Variants in NSUN7 observed in about 807,000 individuals in gnomAD.
NSUN7 encodes NOP2/Sun RNA methyltransferase family member 7.
Under a neutral mutation model 58.5 loss-of-function variants are expected in NSUN7, and 39 were observed. That is an observed-to-expected ratio of 0.67 (90% CI 0.52 to 0.87). NSUN7 has a LOEUF of 0.87. NSUN7 is among the 40% of genes least tolerant of loss of function. The pLI is 0.00. For missense variants in NSUN7, 765 were observed against 844.1 expected (o/e 0.91, Z 1.16); for synonymous variants, 278 against 303.7 (o/e 0.92, Z 0.88).
intron 2 of NSUN7, among the ~76,000 whole-genome samples, chr4:40,753,814 A>G (rs1361832158): frequency 3.9e-5 from 6 of 152,056 alleles, no homozygotes; most frequent in African/African-American, 1.2e-4. Context: ...ACTTGTTCTC[A>G]TGATAGTTAA....
intron 7 of NSUN7, among the ~76,000 whole-genome samples, chr4:40,780,790 C>CACACAT (rs1402006014): frequency 1.1e-4 from 12 of 110,974 alleles, no homozygotes; most frequent in Non-Finnish European, 1.9e-4. Context: ...CACACACATA[C>CACACAT]ACATATATAT....
At chr4:40,807,655 C>T (rs908263457) in intron 11 of NSUN7, among the ~76,000 whole-genome samples, 4 of 152,058 alleles carry the variant, frequency 2.6e-5, no homozygotes, top group African/African-American at 9.7e-5. Context: ...CAGCCCTGTT[C>T]TTTATACTTC....
chr4:40,756,955 G>T (rs928893827), intron 2 of NSUN7, among the ~76,000 whole-genome samples: 2 of 152,178 alleles, frequency 1.3e-5, no homozygotes, highest in African/African-American at 2.4e-5. Flanking sequence ...AAAGGGCCAG[G>T]CGTGGTGCCT....
chr4:40,756,401 A>C (rs1741146049), intron 2 of NSUN7, among the ~76,000 whole-genome samples: 1 of 152,248 alleles, frequency 6.6e-6, no homozygotes, highest in Non-Finnish European at 1.5e-5. Context: ...ACTGAAGAGA[A>C]GCTTTAATTA....
At chr4:40,778,306 A>AAAT (rs1318440291) in intron 7 of NSUN7, among the ~76,000 whole-genome samples, 2 of 152,264 alleles carry the variant, frequency 1.3e-5, no homozygotes, top group African/African-American at 4.8e-5. Flanking sequence ...GAAAGACATT[A>AAAT]AGCCACAGAT....
chr4:40,783,851 A>T (rs1158321263), intron 7 of NSUN7, among the ~76,000 whole-genome samples: 1 of 152,170 alleles, frequency 6.6e-6, no homozygotes, highest in African/African-American at 2.4e-5. Flanking sequence ...CCATTTAAAA[A>T]AAAAAAAAAA....
At chr4:40,759,440 C>T (rs982429491) in intron 2 of NSUN7, among the ~76,000 whole-genome samples, 2 of 152,152 alleles carry the variant, frequency 1.3e-5, no homozygotes, top group Admixed American at 6.5e-5. Flanking sequence ...TCTACGTAAC[C>T]GCCTTTGCAG....
At chr4:40,785,201 A>ATT (rs34585824) in intron 7 of NSUN7, among the ~76,000 whole-genome samples, 20 of 138,706 alleles carry the variant, frequency 1.4e-4, no homozygotes, top group African/African-American at 3.7e-4. Context: ...ACTCTCAGCT[A>ATT]TTTTTTTTTT....
intron 10 of NSUN7, among the ~76,000 whole-genome samples, chr4:40,805,354 T>A (rs1743770504): frequency 6.6e-6 from 1 of 152,288 alleles, no homozygotes; most frequent in Admixed American, 6.5e-5. Context: ...CTTGCTGCTG[T>A]CACTTGACTG....
chr4:40,771,560 T>C (rs1357685489), intron 4 of NSUN7, among the ~76,000 whole-genome samples: 1 of 152,014 alleles, frequency 6.6e-6, no homozygotes, highest in Non-Finnish European at 1.5e-5. Context: ...GTTCAGCACA[T>C]GACTGACGAT....
chr4:40,790,166 G>A (rs1721498814), intron 7 of NSUN7, among the ~76,000 whole-genome samples: 1 of 148,122 alleles, frequency 6.8e-6, no homozygotes, highest in South Asian at 2.2e-4. Context: ...ATAATAGACA[G>A]CACGCTAAGC....
chr4:40,798,935 TCAAA>T (rs750372500), intron 10 of NSUN7, 31 bp downstream of exon 10: 6 of 1,102,110 alleles, frequency 5.4e-6, no homozygotes, highest in Non-Finnish European at 8.1e-6. Flanking sequence ...TCTAAACAAC[TCAAA>T]CAAATATTTT....
At chr4:40,807,810 C>T (rs1251343674) in intron 11 of NSUN7, among the ~76,000 whole-genome samples, 4 of 151,050 alleles carry the variant, frequency 2.6e-5, no homozygotes, top group East Asian at 2.0e-4. Flanking sequence ...GGGAGGCTGA[C>T]GTGGGTGGAT....
intron 2 of NSUN7, among the ~76,000 whole-genome samples, chr4:40,757,725 TACACAC>T (rs33941131): frequency 4.1e-4 from 59 of 142,446 alleles, no homozygotes; most frequent in African/African-American, 5.7e-4. Flanking sequence ...TGTGTATATA[TACACAC>T]ACACACACAC....
Position 40,808,839 on chromosome 4 carries a change from T to G in NSUN7, c.2057T>G (p.Val686Gly), listed in dbSNP as rs59965987. 4,626 of 1,549,456 alleles carry G rather than the reference T, an allele frequency of 3.0e-3. 137 individuals carry two copies. In the African/African-American group the frequency reaches 0.058, roughly 20 times the overall value. The change falls in exon 12 of 12, where the codon GTG becomes GGG. Residue 686 changes from valine to glycine, a missense_variant. By Grantham distance (109) the Val-to-Gly change is moderately radical (BLOSUM62 -3). Coordinates refer to ENST00000381782, the MANE Select transcript of NSUN7 (RefSeq NM_024677.6). The part of the protein sequence containing the change: ...YCRWVAPKAL[V>G]PTCLPTHSLS... ...CGTTGGGTTGCACCCAAGGCACTTG[T>G]GCCCACCTGCCTTCCCACACACTCA... is the stretch of plus-strand genomic sequence containing the variant.
chr4:40,766,251 G>A (rs531510053), intron 4 of NSUN7, among the ~76,000 whole-genome samples: 237 of 147,084 alleles, frequency 1.6e-3, no homozygotes, highest in African/African-American at 5.6e-3. Flanking sequence ...TTTGAGATAC[G>A]TCCCATCAAT....
At chr4:40,780,819 T>A (rs1424770941) in intron 7 of NSUN7, among the ~76,000 whole-genome samples, 66 of 115,784 alleles carry the variant, frequency 5.7e-4, no homozygotes, top group African/African-American at 2.2e-3. Context: ...ATATATTTTT[T>A]TTTTTTTTTT....
intron 8 of NSUN7, among the ~76,000 whole-genome samples, chr4:40,792,979 A>G (rs531430072): frequency 2.5e-4 from 38 of 152,344 alleles, no homozygotes; most frequent in Middle Eastern, 6.8e-3. Flanking sequence ...AAAACATTTT[A>G]ACATCGAAAA....
intron 7 of NSUN7, chr4:40,786,648 T>G (rs1284873639): frequency 3.1e-6 from 5 of 1,596,664 alleles, no homozygotes; most frequent in Non-Finnish European, 4.3e-6. Flanking sequence ...AGGAAGGACT[T>G]GAGAAACTAC....
Sources: allele counts gnomAD v4.1 joint callset (sites outside exome capture counted in the v4.1 genomes callset), GRCh38; gene constraint gnomAD v4.1.1; transcripts MANE v1.5; gene names NCBI Gene and HGNC (gene_info 2026-07-23, HGNC 2026-07-21).